Variants in PDE1C observed in about 807,000 individuals in gnomAD.
The protein encoded by PDE1C is dual specificity calcium/calmodulin-dependent 3',5'-cyclic nucleotide phosphodiesterase 1C.
In PDE1C, 62 loss-of-function variants were observed where a neutral mutation model predicts 93.1. The ratio of observed to expected loss-of-function variants is 0.67; its 90% confidence interval spans 0.54 to 0.82. PDE1C has a LOEUF of 0.82. Ranked by LOEUF, PDE1C falls within the 40% of genes least tolerant of loss-of-function variation. The pLI, the probability that PDE1C is intolerant of heterozygous loss-of-function variation, is 0.00. For missense variants in PDE1C, 742 were observed against 884.6 expected (o/e 0.84, Z 2.04); for synonymous variants, 325 against 310.1 (o/e 1.05, Z -0.50).
intron 2 of PDE1C, among the ~76,000 whole-genome samples, chr7:31,955,595 A>G (rs1808018549): frequency 6.6e-6 from 1 of 152,194 alleles, no homozygotes; most frequent in Non-Finnish European, 1.5e-5. Context: ...TTGTCTTAAA[A>G]TTTAAAAATT....
chr7:31,757,312 A>AT (rs2128601679), intron 17 of PDE1C, among the ~76,000 whole-genome samples: 1 of 152,314 alleles, frequency 6.6e-6, no homozygotes, highest in East Asian at 1.9e-4. Flanking sequence ...AAACATGGCT[A>AT]TTTTATCTCT....
intron 1 of PDE1C, among the ~76,000 whole-genome samples, chr7:32,332,287 C>A (rs1327725407): frequency 6.6e-6 from 1 of 152,112 alleles, no homozygotes; most frequent in Non-Finnish European, 1.5e-5. Flanking sequence ...AGGGGCCCAA[C>A]TTCCTTAGCA....
At chr7:31,670,064 G>A in the PDE1C span, among the ~76,000 whole-genome samples, 2 of 152,162 alleles carry the variant, frequency 1.3e-5, no homozygotes, top group Non-Finnish European at 2.9e-5. Context: ...TATGTCAGGA[G>A]CCAATCAACC....
At chr7:31,735,720 T>C in the PDE1C span, among the ~76,000 whole-genome samples, 1 of 152,156 alleles carries the variant, frequency 6.6e-6, no homozygotes, top group East Asian at 1.9e-4. Flanking sequence ...AAAACAACCG[T>C]TTCTTTTTCC....
chr7:31,953,185 T>C (rs73686849), intron 2 of PDE1C, among the ~76,000 whole-genome samples: 5,863 of 152,202 alleles, frequency 0.039, 202 homozygotes, highest in African/African-American at 0.097. Context: ...ACTAATTGTA[T>C]CTTTAACCAA....
In PDE1C at chr7:32,310,786, C is replaced by A. The variant is rs1384765698; in HGVS notation, c.311-101247G>T. Among the ~76,000 whole-genome samples, 3 of 151,526 alleles carry A rather than the reference C, an allele frequency of 2.0e-5. No homozygotes were observed. The East Asian group carries it at 5.8e-4, about 29-fold the overall frequency. On this transcript the variant is annotated intron_variant, in intron 1 of 1. Coordinates refer to the PDE1C transcript ENST00000672256. ...AGGGAAATTTATAGCACTAAATGCC[C>A]ACAAGAGAAAGCAGGAAAGATCCAA... is the stretch of plus-strand genomic sequence containing the variant.
At chr7:31,768,474 G>A (rs1795280423) in intron 17 of PDE1C, among the ~76,000 whole-genome samples, 1 of 152,114 alleles carries the variant, frequency 6.6e-6, no homozygotes, top group South Asian at 2.1e-4. Flanking sequence ...AATTTGGTGG[G>A]AACACAAATA....
intron 3 of PDE1C, among the ~76,000 whole-genome samples, chr7:32,094,308 C>T (rs779264595): frequency 8.5e-5 from 13 of 152,176 alleles, no homozygotes; most frequent in Non-Finnish European, 1.8e-4. Context: ...CAAAAACCCA[C>T]ACCAAGAACT....
intron 1 of PDE1C, among the ~76,000 whole-genome samples, chr7:32,253,394 C>T (rs1180752733): frequency 1.3e-5 from 2 of 152,162 alleles, no homozygotes; most frequent in Admixed American, 1.3e-4. Flanking sequence ...TTTACCGAAA[C>T]CCCACAATGC....
intron 2 of PDE1C, among the ~76,000 whole-genome samples, chr7:32,206,345 C>T (rs540369775): frequency 2.0e-5 from 3 of 152,254 alleles, no homozygotes; most frequent in South Asian, 2.1e-4. Context: ...AGGTCAGGTG[C>T]AGTCAACCAG....
chr7:32,382,955 C>T (rs1200104421), intron 1 of PDE1C, among the ~76,000 whole-genome samples: 1 of 152,166 alleles, frequency 6.6e-6, no homozygotes, highest in Non-Finnish European at 1.5e-5. Context: ...AAGTCTGAAA[C>T]ACATCTCCCC....
At chr7:32,385,156 G>C (rs1016282607) in intron 1 of PDE1C, among the ~76,000 whole-genome samples, 2 of 152,168 alleles carry the variant, frequency 1.3e-5, no homozygotes, top group African/African-American at 4.8e-5. Flanking sequence ...CATCAAGATG[G>C]GGCAGAGAAG....
At chr7:31,967,038 A>C (rs557527923) in intron 2 of PDE1C, among the ~76,000 whole-genome samples, 25 of 152,090 alleles carry the variant, frequency 1.6e-4, no homozygotes, top group African/African-American at 2.7e-4. Flanking sequence ...CCTAACATCA[A>C]AATTAAAAGA....
the PDE1C span, chr7:31,643,239 T>A: frequency 6.2e-6 from 10 of 1,613,550 alleles, no homozygotes; most frequent in South Asian, 9.9e-5. Flanking sequence ...AGGAAAGCAG[T>A]GGATTCTGTC....
chr7:32,312,466 G>C (rs1783068799), intron 1 of PDE1C, among the ~76,000 whole-genome samples: 1 of 152,098 alleles, frequency 6.6e-6, no homozygotes, highest in South Asian at 2.1e-4. Flanking sequence ...TAAACCAAAA[G>C]AACAAAGCCA....
intron 1 of PDE1C, among the ~76,000 whole-genome samples, chr7:32,221,458 C>T (rs1353005500): frequency 1.3e-5 from 2 of 152,158 alleles, no homozygotes; most frequent in Non-Finnish European, 2.9e-5. Context: ...TCATCTCAGA[C>T]ATGGCCATGC....
intron 1 of PDE1C, among the ~76,000 whole-genome samples, chr7:32,390,578 A>G (rs11763886): frequency 0.18 from 26,556 of 150,598 alleles, 3,481 homozygotes; most frequent in African/African-American, 0.37. Flanking sequence ...CAGTCACACC[A>G]GTTCATCCCT....
At chr7:32,404,686 C>T (rs1785016316) in intron 1 of PDE1C, among the ~76,000 whole-genome samples, 1 of 152,116 alleles carries the variant, frequency 6.6e-6, no homozygotes. Context: ...AGAGGCAATG[C>T]TCCATAATCT....
At chr7:31,731,920 A>G in the PDE1C span, among the ~76,000 whole-genome samples, 2 of 152,202 alleles carry the variant, frequency 1.3e-5, no homozygotes, top group African/African-American at 2.4e-5. Flanking sequence ...CACCTCCTCC[A>G]GTTCTGACCC....
Sources: gnomAD v4.1 joint callset for allele counts (sites outside exome capture counted in the v4.1 genomes callset) on GRCh38, gnomAD v4.1.1 for gene constraint, MANE v1.5 for transcripts, NCBI Gene and HGNC (gene_info 2026-07-23, HGNC 2026-07-21) for gene names.